TJP3: variants seen among roughly 807,000 people sequenced by gnomAD.
The protein encoded by TJP3 is tight junction protein 3.
In TJP3, 85 loss-of-function variants were observed where a neutral mutation model predicts 104.2. The ratio of observed to expected loss-of-function variants is 0.82; its 90% CI spans 0.68 to 0.98. TJP3 has a LOEUF of 0.98. TJP3 is among the 50% of genes least tolerant of loss of function. The pLI is 0.00. For missense variants in TJP3, 1,367 were observed against 1,322.8 expected (o/e 1.03, Z -0.52); for synonymous variants, 550 against 550.6 (o/e 1.00, Z 0.02).
chr19:3,748,943 C>T (rs193210851), intron 19 of TJP3, among the ~76,000 whole-genome samples: 108 of 147,806 alleles, frequency 7.3e-4, no homozygotes, highest in East Asian at 2.4e-3. Context: ...ACTGCAACCT[C>T]GGCCTCCTGT....
intron 5 of TJP3, 30 bp from the exon 6 acceptor site, chr19:3,731,905 T>A: frequency 6.2e-7 from 1 of 1,600,324 alleles, no homozygotes; most frequent in South Asian, 1.1e-5. Flanking sequence ...TCCAGAGTCC[T>A]GCCTCAGTTT....
At chr19:3,738,322 C>T (rs9676432) in intron 11 of TJP3, among the ~76,000 whole-genome samples, 24,479 of 152,160 alleles carry the variant, frequency 0.16, 2,400 homozygotes, top group African/African-American at 0.26. Flanking sequence ...TGCCTGTGCC[C>T]GTTTCTGTGT....
chr19:3,731,975 C>T lies in TJP3; in HGVS notation c.654C>T (p.His218=). ...VKLGSQIFIK[H]ITDSGLAARH... Reference sequence around the variant, plus strand: ...TGGGCAGTCAGATCTTCATCAAGCACATTACAGATTCGGGCCTGGCTGCCC... The same window carrying T: ...TGGGCAGTCAGATCTTCATCAAGCATATTACAGATTCGGGCCTGGCTGCCC... The change falls in exon 6 of 21, where the codon CAC becomes CAT. Residue 218 remains histidine (H), a synonymous_variant. Coordinates refer to ENST00000541714, the MANE Select transcript of TJP3 (RefSeq NM_001267560.2). 6.2e-7 allele frequency: 1 copy of T among 1,613,834 alleles called. No homozygotes were observed. Among genetic ancestry groups the T allele is most frequent in the Non-Finnish European group, 8.5e-7 (1 of 1,179,912 alleles).
intron 13 of TJP3, 21 bp downstream of exon 13, chr19:3,739,155 C>T: frequency 6.7e-7 from 1 of 1,497,582 alleles, no homozygotes. Context: ...TGTGCTCCTG[C>T]AGTGGGGCAC....
intron 8 of TJP3, among the ~76,000 whole-genome samples, chr19:3,734,671 T>C (rs1439476430): frequency 6.6e-6 from 1 of 152,194 alleles, no homozygotes; most frequent in Non-Finnish European, 1.5e-5. Context: ...AACTCTGCCT[T>C]AGGCCAGGTG....
intron 1 of TJP3, among the ~76,000 whole-genome samples, chr19:3,712,168 T>C (rs2036440291): frequency 6.6e-6 from 1 of 152,154 alleles, no homozygotes; most frequent in African/African-American, 2.4e-5. Flanking sequence ...ATACAAAAAT[T>C]AGCCAGGTGT....
In TJP3 at chr19:3,739,024, G is replaced by A. The variant is rs780667100; in HGVS notation, c.1521G>A (p.Thr507=). Residue 507 remains threonine, a synonymous_variant, in exon 13 of 21, where the codon ACG becomes ACA. Transcript: ENST00000541714. ...GCGACGTCTTCCACGTGCTGGACAC[G>A]CTGCACCCCGGCCCCGGGCAGAGCC... The part of the protein sequence containing the change: ...TRGDVFHVLD[T]LHPGPGQSHA... 1.3e-5 allele frequency: 21 copies of A among 1,612,422 alleles called. No individual in the cohort carries two copies. The highest frequency in any genetic ancestry group is 1.1e-4 in the East Asian group (5 of 44,882).
At chr19:3,713,841 G>A (rs1403293494) in intron 1 of TJP3, among the ~76,000 whole-genome samples, 7 of 150,844 alleles carry the variant, frequency 4.6e-5, no homozygotes, top group East Asian at 2.0e-4. Flanking sequence ...TCAGCCTCCC[G>A]AGTAGCTGGG....
At chr19:3,715,054 T>C (rs1350089160) in intron 1 of TJP3, among the ~76,000 whole-genome samples, 1 of 151,952 alleles carries the variant, frequency 6.6e-6, no homozygotes, top group African/African-American at 2.4e-5. Flanking sequence ...GAGGCAACAG[T>C]AGAAAACCAG....
intron 1 of TJP3, among the ~76,000 whole-genome samples, chr19:3,721,285 T>A (rs1325158246): frequency 6.6e-6 from 1 of 152,082 alleles, no homozygotes; most frequent in Non-Finnish European, 1.5e-5. Flanking sequence ...ACGCAGCCGC[T>A]GTTGTATCTT....
rs149056989 is a variant in TJP3, at chr19:3,739,000, C to A, written c.1497C>A (p.Gly499=). 3.7e-6 allele frequency: 6 copies of A among 1,613,058 alleles called. No individual in the cohort carries two copies. Among genetic ancestry groups the A allele is most frequent in the Non-Finnish European group, 5.1e-6 (6 of 1,179,856 alleles). ...SPPSGLGFTR[G]DVFHVLDTLH... Reference sequence around the variant, plus strand: ...CGTCTGGCCTGGGCTTCACCCGTGGCGACGTCTTCCACGTGCTGGACACGC... The same window carrying A: ...CGTCTGGCCTGGGCTTCACCCGTGGAGACGTCTTCCACGTGCTGGACACGC... Residue 499 remains glycine (G), a synonymous_variant, in exon 13 of 21, where the codon GGC becomes GGA. Coordinates refer to ENST00000541714, the MANE Select transcript of TJP3 (RefSeq NM_001267560.2).
At chr19:3,719,988 CT>C (rs1420710016) in intron 1 of TJP3, among the ~76,000 whole-genome samples, 1 of 152,154 alleles carries the variant, frequency 6.6e-6, no homozygotes. Flanking sequence ...TCAAGTGATC[CT>C]CCCACCTGAC....
intron 1 of TJP3, among the ~76,000 whole-genome samples, chr19:3,723,349 C>T (rs1451264068): frequency 2.0e-5 from 3 of 152,150 alleles, no homozygotes; most frequent in African/African-American, 7.2e-5. Context: ...CACTCAAGGC[C>T]TGGAAAGGAG....
chr19:3,710,085 GT>G (rs1408486931), intron 1 of TJP3, among the ~76,000 whole-genome samples: 29 of 148,930 alleles, frequency 1.9e-4, no homozygotes, highest in African/African-American at 6.9e-4. Context: ...GGAGGTGGAG[GT>G]TGCAGTGAGC....
Position 3,728,311 on chromosome 19 carries a change from G to A in TJP3, c.-9-113G>A. ...TGAGAGAGGTAGTAACTTGTCACAG[G>A]CTCCAAACACAGGCCTGTCAGAGCT... On this transcript the variant is annotated intron_variant, in intron 1 of 20. Transcript: ENST00000541714. 3 of 1,543,088 alleles carry A rather than the reference G, an allele frequency of 1.9e-6. 1 individual carries two copies. Among genetic ancestry groups the A allele is most frequent in the Non-Finnish European group, 8.8e-7 (1 of 1,133,484 alleles).
intron 11 of TJP3, among the ~76,000 whole-genome samples, chr19:3,737,321 G>A (rs559396814): frequency 2.6e-4 from 39 of 151,946 alleles, no homozygotes; most frequent in Non-Finnish European, 4.0e-4. Context: ...TGTCTGGGTC[G>A]CAATCCTCTT....
At chr19:3,715,429 G>T (rs371849882) in intron 1 of TJP3, among the ~76,000 whole-genome samples, 2 of 152,006 alleles carry the variant, frequency 1.3e-5, no homozygotes, top group East Asian at 3.9e-4. Flanking sequence ...CCGAAGGTCA[G>T]GGGTGGTGGG....
intron 11 of TJP3, among the ~76,000 whole-genome samples, chr19:3,738,172 G>A (rs1040324214): frequency 1.3e-5 from 2 of 152,164 alleles, no homozygotes; most frequent in African/African-American, 2.4e-5. Flanking sequence ...TCCCTGTCAC[G>A]ACCCTGTGAC....
chr19:3,744,893 G>A (rs929882729), intron 15 of TJP3, among the ~76,000 whole-genome samples: 3 of 151,862 alleles, frequency 2.0e-5, no homozygotes, highest in Admixed American at 6.6e-5. Flanking sequence ...ACGCCACTGC[G>A]CTCCAGCCTG....
Sources: allele counts gnomAD v4.1 joint callset (sites outside exome capture counted in the v4.1 genomes callset), GRCh38; gene constraint gnomAD v4.1.1; transcripts MANE v1.5; gene names NCBI Gene and HGNC (gene_info 2026-07-23, HGNC 2026-07-21).